The following SNX30 variants were observed in gnomAD, a reference collection of about 807,000 sequenced individuals.
SNX30 encodes sorting nexin family member 30.
Under a neutral mutation model 46.4 loss-of-function variants are expected in SNX30, and 24 were observed. The observed-to-expected ratio is 0.52, with a 90% confidence interval of 0.37 to 0.73. The LOEUF (loss-of-function observed/expected upper bound fraction) is 0.73. Ranked by LOEUF, SNX30 falls within the 30% of genes least tolerant of loss-of-function variation. SNX30 has a pLI of 0.00. For synonymous variants in SNX30, 189 were observed against 211.5 expected (o/e 0.89, Z 0.92); for missense variants, 533 against 555.7 (o/e 0.96, Z 0.41).
chr9:112,831,001 G>A, intron 4 of SNX30, 118 bp downstream of exon 4: 1 of 1,057,834 alleles, frequency 9.5e-7, no homozygotes, highest in South Asian at 1.7e-5. Context: ...AGCCGAGTGT[G>A]ATGTTGTGCG....
chr9:112,809,511 T>C (rs4979157), intron 2 of SNX30, among the ~76,000 whole-genome samples: 142,437 of 152,036 alleles, frequency 0.94, 66,802 homozygotes, highest in East Asian at 1. Flanking sequence ...GAGCCTTCAA[T>C]TCCCTTCAGG....
At chr9:112,785,545 G>T (rs763866022) in intron 1 of SNX30, among the ~76,000 whole-genome samples, 1 of 151,996 alleles carries the variant, frequency 6.6e-6, no homozygotes, top group Non-Finnish European at 1.5e-5. Context: ...CACCATGCCC[G>T]GCTAATTTTT....
intron 8 of SNX30, 108 bp from the exon 9 acceptor site, chr9:112,868,676 A>T: frequency 1.7e-6 from 2 of 1,155,916 alleles, no homozygotes; most frequent in Non-Finnish European, 2.6e-6. Context: ...CATTAGACAA[A>T]GGTAACCCAG....
chr9:112,866,531 G>A (rs1032084703), intron 8 of SNX30: 23 of 470,508 alleles, frequency 4.9e-5, no homozygotes, highest in African/African-American at 4.6e-4. Context: ...GCAGGACCTG[G>A]AATGCCACAG....
At position 112,783,305 on chromosome 9, in the gene SNX30, C is replaced by CT. The variant is rs565776673; in HGVS notation, c.157-21468dup. 6.4e-4 allele frequency among the ~76,000 whole-genome samples: 98 copies of CT among 152,300 alleles called. 1 individual carries two copies. The highest frequency in any genetic ancestry group is 3.4e-3 in the Middle Eastern group (1 of 294). ...AGCTGAGTGACTTCTTGTCTTTTAA[C>CT]TTTCCTGGTCTGTAACCTGTTCTCT... On this transcript the variant is annotated intron_variant, in intron 1 of 8. Transcript: ENST00000374232.
chr9:112,842,906 GGGACA>G (rs1840881760), intron 6 of SNX30, among the ~76,000 whole-genome samples: 1 of 152,220 alleles, frequency 6.6e-6, no homozygotes, highest in Non-Finnish European at 1.5e-5. Flanking sequence ...TATGTGTGCG[GGGACA>G]GGAAGGTACA....
At chr9:112,876,909 C>T (rs912587561), downstream of SNX30, among the ~76,000 whole-genome samples, 10 of 140,550 alleles carry the variant, frequency 7.1e-5, no homozygotes, top group Non-Finnish European at 1.5e-4. Context: ...GCACTACAGC[C>T]TGGGCAAAAG....
intron 6 of SNX30, among the ~76,000 whole-genome samples, chr9:112,840,459 A>G (rs1365172084): frequency 6.6e-6 from 1 of 152,222 alleles, no homozygotes; most frequent in African/African-American, 2.4e-5. Flanking sequence ...TATTTCACTT[A>G]TCAAACTAAT....
intron 2 of SNX30, among the ~76,000 whole-genome samples, chr9:112,811,007 T>C (rs1840310760): frequency 6.6e-6 from 1 of 152,126 alleles, no homozygotes; most frequent in South Asian, 2.1e-4. Context: ...GGAGGCCCGA[T>C]TCTCAGGGAG....
At chr9:112,797,242 G>C (rs944345578) in intron 1 of SNX30, among the ~76,000 whole-genome samples, 1 of 152,196 alleles carries the variant, frequency 6.6e-6, no homozygotes, top group Admixed American at 6.5e-5. Context: ...AGACCAAAGA[G>C]CGAGGTCTGC....
chr9:112,850,583 C>G (rs1841007210), intron 6 of SNX30, among the ~76,000 whole-genome samples: 1 of 152,242 alleles, frequency 6.6e-6, no homozygotes, highest in South Asian at 2.1e-4. Flanking sequence ...GTGCTGTTTC[C>G]TCCACTTGCC....
Position 112,768,647 on chromosome 9 carries a change from C to CTTCTTCTTCTTTTTTTTTT in SNX30, c.156+17492_156+17493insCTTCTTCTTTTTTTTTTTT, listed in dbSNP as rs1554748345. Reference sequence around the variant, plus strand: ...AAGTTTCTCTAGATAATTCTTTCTTCTTTTTTTTTTTTTTTTTTTTTTTTT... The same window carrying CTTCTTCTTCTTTTTTTTTT: ...AAGTTTCTCTAGATAATTCTTTCTTCTTCTTCTTCTTTTTTTTTTTTTTTTTTTTTTTTTTTTTTTTTTT... On this transcript the variant is annotated intron_variant, in intron 1 of 8. Transcript: ENST00000374232. Among the ~76,000 whole-genome samples, 6 of 64,366 alleles carry CTTCTTCTTCTTTTTTTTTT rather than the reference C, an allele frequency of 9.3e-5. 1 individual carries two copies. Among genetic ancestry groups the CTTCTTCTTCTTTTTTTTTT allele is most frequent in the Admixed American group, 5.6e-4 (3 of 5,330 alleles). 42.2% of individuals were successfully genotyped at this position (64,366 alleles called of 152,430 possible). A position where few individuals can be genotyped will look rare whatever the true frequency, so the allele number is the denominator to read the frequency against.
chr9:112,856,496 A>AGTGTGGAGGTGTGTC (rs1395442193), intron 7 of SNX30, among the ~76,000 whole-genome samples: 2 of 150,628 alleles, frequency 1.3e-5, no homozygotes, highest in Admixed American at 1.3e-4. Context: ...TGGTGTGGGA[A>AGTGTGGAGGTGTGTC]GTGTGGAGGT....
At chr9:112,855,694 A>G (rs1841114518) in intron 7 of SNX30, among the ~76,000 whole-genome samples, 1 of 152,158 alleles carries the variant, frequency 6.6e-6, no homozygotes, top group South Asian at 2.1e-4. Context: ...AAAGTTTTGC[A>G]TTGTGGTTGG....
At chr9:112,780,944 A>C (rs1192355179) in intron 1 of SNX30, among the ~76,000 whole-genome samples, 2 of 152,206 alleles carry the variant, frequency 1.3e-5, no homozygotes, top group Admixed American at 6.5e-5. Context: ...TCTGTTATCA[A>C]CATTTTCTCT....
intron 6 of SNX30, among the ~76,000 whole-genome samples, chr9:112,844,172 A>G (rs1840902801): frequency 6.6e-6 from 1 of 152,144 alleles, no homozygotes; most frequent in Non-Finnish European, 1.5e-5. Flanking sequence ...TGATGGGCCA[A>G]TGGCACTTGC....
intron 1 of SNX30, among the ~76,000 whole-genome samples, chr9:112,761,301 TAC>T (rs1241940393): frequency 6.6e-6 from 1 of 152,152 alleles, no homozygotes; most frequent in Admixed American, 6.5e-5. Flanking sequence ...TAGCTGGGAT[TAC>T]AGGTGCATGC....
At chr9:112,883,974 C>T (rs12001817), downstream of SNX30, among the ~76,000 whole-genome samples, 1,428 of 152,296 alleles carry the variant, frequency 9.4e-3, 23 homozygotes, top group African/African-American at 0.03. Flanking sequence ...GGATTACAGG[C>T]ATGAGCCATC....
chr9:112,822,531 G>GTTTTTTTTTTTTTTTTTTTTTTTTTTT (rs1340146319), intron 3 of SNX30, among the ~76,000 whole-genome samples: 1 of 34,410 alleles, frequency 2.9e-5, no homozygotes. Flanking sequence ...TCCCTTTGCT[G>GTTTTTTTTTTTTTTTTTTTTTTTTTTT]TTTTGTTTTG....
Sources: allele counts gnomAD v4.1 joint callset (sites outside exome capture counted in the v4.1 genomes callset), GRCh38; gene constraint gnomAD v4.1.1; transcripts MANE v1.5; gene names NCBI Gene and HGNC (gene_info 2026-07-23, HGNC 2026-07-21).